The following PRKD1 variants were observed in gnomAD, a reference collection of about 807,000 sequenced individuals.
PRKD1 encodes protein kinase D1.
PRKD1 carries 63 observed loss-of-function variants against 95.9 expected under a neutral mutation model. The ratio of observed to expected loss-of-function variants is 0.66; its 90% CI spans 0.54 to 0.81. PRKD1 has a LOEUF of 0.81. Among genes scored for constraint, PRKD1 ranks in the 30% least tolerant of loss-of-function variants. The pLI, the probability that PRKD1 is intolerant of heterozygous loss-of-function variation, is 0.00. For missense variants in PRKD1, 1,048 were observed against 1,165.3 expected (o/e 0.90, Z 1.47); for synonymous variants, 425 against 423.1 (o/e 1.00, Z -0.05).
intron 1 of PRKD1, among the ~76,000 whole-genome samples, chr14:29,850,225 A>G (rs1166854607): frequency 6.6e-6 from 1 of 152,150 alleles, no homozygotes; most frequent in Non-Finnish European, 1.5e-5. Flanking sequence ...AGAAAGAAAT[A>G]AAAGGCATCA....
intron 1 of PRKD1, among the ~76,000 whole-genome samples, chr14:29,815,559 A>G (rs1031370388): frequency 2.6e-5 from 4 of 152,256 alleles, no homozygotes; most frequent in Non-Finnish European, 5.9e-5. Context: ...TTACAGTACT[A>G]TGCAATGGAA....
chr14:29,797,299 GCGATGGAT>G, intron 1 of PRKD1, among the ~76,000 whole-genome samples: 3 of 152,130 alleles, frequency 2.0e-5, no homozygotes, highest in African/African-American at 7.2e-5. Flanking sequence ...TTGTTTGTAA[GCGATGGAT>G]TAAAATCTCT....
intron 2 of PRKD1, among the ~76,000 whole-genome samples, chr14:29,722,801 C>T (rs956113907): frequency 1.3e-5 from 2 of 152,016 alleles, no homozygotes; most frequent in African/African-American, 2.4e-5. Context: ...CAGGCCCTGC[C>T]CGGGTATACA....
At chr14:29,808,418 G>C (rs1890336508) in intron 1 of PRKD1, among the ~76,000 whole-genome samples, 1 of 21,444 alleles carries the variant, frequency 4.7e-5, no homozygotes, top group South Asian at 1.4e-3. Context: ...TTTTTTTTGA[G>C]ATGGGAGTTT....
intron 13 of PRKD1, among the ~76,000 whole-genome samples, chr14:29,609,822 G>C (rs1223267746): frequency 2.7e-5 from 4 of 149,752 alleles, no homozygotes; most frequent in African/African-American, 9.9e-5. Flanking sequence ...GCCTCCCAAA[G>C]TGCTGAAATT....
At chr14:29,788,005 A>G (rs1889352067) in intron 1 of PRKD1, among the ~76,000 whole-genome samples, 1 of 152,050 alleles carries the variant, frequency 6.6e-6, no homozygotes, top group African/African-American at 2.4e-5. Flanking sequence ...TGTATCTGCA[A>G]TACCAGTGAG....
At chr14:29,788,160 T>C (rs1225163679) in intron 1 of PRKD1, among the ~76,000 whole-genome samples, 1 of 152,204 alleles carries the variant, frequency 6.6e-6, no homozygotes, top group Non-Finnish European at 1.5e-5. Context: ...TTATTTCTCC[T>C]ATATTTTTGA....
intron 1 of PRKD1, among the ~76,000 whole-genome samples, chr14:29,811,729 G>A (rs1370387183): frequency 6.6e-6 from 1 of 152,174 alleles, no homozygotes; most frequent in Non-Finnish European, 1.5e-5. Context: ...AGCACAAGTG[G>A]TCACCTGAAC....
intron 1 of PRKD1, among the ~76,000 whole-genome samples, chr14:29,920,157 GAAAC>G (rs1463169045): frequency 6.6e-6 from 1 of 151,322 alleles, no homozygotes; most frequent in African/African-American, 2.4e-5. Context: ...AGGAAGGAAG[GAAAC>G]AAGGAAGGAA....
chr14:29,676,177 G>GTTTTGTTTTTT (rs1883187378), intron 2 of PRKD1, among the ~76,000 whole-genome samples: 1 of 104,762 alleles, frequency 9.5e-6, no homozygotes, highest in Non-Finnish European at 1.8e-5. Context: ...AGTTCATTAC[G>GTTTTGTTTTTT]TTTTTGTTTT....
chr14:29,577,185 C>T lies in PRKD1; in HGVS notation c.*53G>A. 1.3e-6 allele frequency: 2 copies of T among 1,540,304 alleles called. No homozygotes were observed. Among genetic ancestry groups the T allele is most frequent in the Non-Finnish European group, 1.8e-6 (2 of 1,115,964 alleles). On this transcript the variant is annotated 3_prime_UTR_variant, in exon 18 of 18. Transcript: ENST00000331968. ...TCTGCAAGGCAAATGTTAAACCTGA[C>T]CGTATGTATTTATTAGTTCCACAGT... is the stretch of plus-strand genomic sequence containing the variant.
At chr14:29,892,520 A>T (rs1893974861) in intron 1 of PRKD1, among the ~76,000 whole-genome samples, 1 of 152,028 alleles carries the variant, frequency 6.6e-6, no homozygotes, top group Non-Finnish European at 1.5e-5. Context: ...ATCTCACAAT[A>T]AAAGTCTTAC....
At chr14:29,884,896 G>A (rs570514567) in intron 1 of PRKD1, among the ~76,000 whole-genome samples, 2 of 152,272 alleles carry the variant, frequency 1.3e-5, no homozygotes, top group South Asian at 4.1e-4. Flanking sequence ...GCCGAAGCGG[G>A]TGGATCACGA....
chr14:29,697,131 C>T (rs1884564283), intron 2 of PRKD1, among the ~76,000 whole-genome samples: 1 of 151,318 alleles, frequency 6.6e-6, no homozygotes, highest in South Asian at 2.1e-4. Context: ...GGCCCATGCA[C>T]CGACAGTTTG....
At chr14:29,596,611 G>A (rs182810191) in intron 16 of PRKD1, among the ~76,000 whole-genome samples, 56 of 152,162 alleles carry the variant, frequency 3.7e-4, no homozygotes, top group African/African-American at 1.3e-3. Flanking sequence ...GTGCCACCAC[G>A]CTCAGCTAAT....
chr14:29,725,409 T>C, intron 2 of PRKD1, 127 bp downstream of exon 2: 1 of 1,165,968 alleles, frequency 8.6e-7, no homozygotes, highest in Non-Finnish European at 1.2e-6. Flanking sequence ...TGGACAGAGC[T>C]CCAACATCTT....
At position 29,577,055 on chromosome 14, in the gene PRKD1, C is replaced by A; in HGVS notation, c.*183G>T. 1.5e-6 allele frequency: 1 copy of A among 665,946 alleles called. No individual in the cohort carries two copies. The highest frequency in any genetic ancestry group is 2.9e-5 in the Admixed American group (1 of 34,622). 41.3% of individuals were successfully genotyped at this position (665,946 alleles called of 1,614,324 possible). A position where few individuals can be genotyped will look rare whatever the true frequency, so the allele number is the denominator to read the frequency against. ...TTTGTTAATACAACACAGTTGGTCA[C>A]ACAAAATACAAATGCTTCTGTTGAT... On this transcript the variant is annotated 3_prime_UTR_variant, in exon 18 of 18. Coordinates refer to ENST00000331968, the MANE Select transcript of PRKD1 (RefSeq NM_002742.3).
At chr14:29,684,440 T>G (rs1410232464) in intron 2 of PRKD1, among the ~76,000 whole-genome samples, 1 of 152,240 alleles carries the variant, frequency 6.6e-6, no homozygotes, top group Non-Finnish European at 1.5e-5. Context: ...TTAAGTCTAT[T>G]GTTCTTTTCT....
At chr14:29,665,718 T>A (rs910046823) in intron 3 of PRKD1, among the ~76,000 whole-genome samples, 1 of 151,734 alleles carries the variant, frequency 6.6e-6, no homozygotes, top group East Asian at 2.0e-4. Flanking sequence ...CACACACCAA[T>A]GTATATACAT....
Sources: gnomAD v4.1 joint callset for allele counts (sites outside exome capture counted in the v4.1 genomes callset) on GRCh38, gnomAD v4.1.1 for gene constraint, MANE v1.5 for transcripts, NCBI Gene and HGNC (gene_info 2026-07-23, HGNC 2026-07-21) for gene names.